EVI5L: variants seen among roughly 807,000 people sequenced by gnomAD.
EVI5L encodes EVI5-like protein.
EVI5L carries 30 observed loss-of-function variants against 106.1 expected under a neutral mutation model. The ratio of observed to expected loss-of-function variants is 0.28; its 90% CI spans 0.21 to 0.38. EVI5L has a LOEUF of 0.38. EVI5L is among the 10% of genes least tolerant of loss of function. The pLI is 1.00. For missense variants in EVI5L, 809 were observed against 1,098.0 expected, an observed-to-expected ratio of 0.74 and a Z score of 3.72; for synonymous variants, 489 against 483.3, an observed-to-expected ratio of 1.01 and a Z score of -0.15.
intron 10 of EVI5L, among the ~76,000 whole-genome samples, chr19:7,854,521 AC>A (rs1979433293): frequency 6.6e-6 from 1 of 151,890 alleles, no homozygotes. Flanking sequence ...TGTAATCCCA[AC>A]ACTTTGAGAG....
chr19:7,850,479 C>T lies in EVI5L; in HGVS notation c.753+357C>T, dbSNP rs1315875750. Among the ~76,000 whole-genome samples the T allele has an allele frequency of 6.6e-6, 1 of 152,148 alleles. No homozygotes were observed. The highest frequency in any genetic ancestry group is 2.4e-5 in the African/African-American group (1 of 41,438). On this transcript the variant is annotated intron_variant, in intron 6 of 19. Transcript: ENST00000538904. This position sits in a 1 kb window ranked among gnomAD's most constrained non-coding sequence, Gnocchi z 5.4. ...GGTGGAAGGAGGGAGTGTTGTCTGC[C>T]TGCCTGATTACTGGAGAGCCGCAGA...
At position 7,835,438 on chromosome 19, in the gene EVI5L, G is replaced by T. The variant is rs1323457822; in HGVS notation, c.-48+5057G>T. Among the ~76,000 whole-genome samples the T allele has an allele frequency of 6.6e-6, 1 of 152,018 alleles. No homozygotes were observed. Among genetic ancestry groups the T allele is most frequent in the African/African-American group, 2.4e-5 (1 of 41,398 alleles). Reference sequence around the variant, plus strand: ...CAGGAGAATTGCTTGAACCCAGGAGGCAAAGGCTGCAGTGAGCCAAGATCG... The same window carrying T: ...CAGGAGAATTGCTTGAACCCAGGAGTCAAAGGCTGCAGTGAGCCAAGATCG... On this transcript the variant is annotated intron_variant, in intron 1 of 19. Transcript: ENST00000538904. The surrounding 1 kb of genome is among the most constrained non-coding windows in gnomAD (Gnocchi z 4.1).
intron 13 of EVI5L, among the ~76,000 whole-genome samples, chr19:7,859,520 A>C (rs907561660): frequency 2.6e-5 from 4 of 152,244 alleles, no homozygotes; most frequent in African/African-American, 9.6e-5. Context: ...GGGGAGAAGG[A>C]GAGCTTCACT....
chr19:7,833,886 A>AGGAGAACTAACTCAGCTCATCAGGGTCAG (rs1978308908), intron 1 of EVI5L, among the ~76,000 whole-genome samples: 1 of 152,208 alleles, frequency 6.6e-6, no homozygotes, highest in African/African-American at 2.4e-5. Context: ...AGGTGAGTTT[A>AGGAGAACTAACTCAGCTCATCAGGGTCAG]GGAGAACTAA....
At position 7,835,214 on chromosome 19, in the gene EVI5L, A is replaced by G. The variant is rs1284430918; in HGVS notation, c.-48+4833A>G. 3.1e-5 allele frequency among the ~76,000 whole-genome samples: 4 copies of G among 130,396 alleles called. No homozygotes were observed. The highest frequency in any genetic ancestry group is 7.1e-5 in the Non-Finnish European group (4 of 56,716). The allele number at this position is 130,396 out of a possible 152,430, so 85.5% of individuals were successfully genotyped here. On this transcript the variant is annotated intron_variant, in intron 1 of 19. Coordinates refer to ENST00000538904, the MANE Select transcript of EVI5L (RefSeq NM_001159944.3). The surrounding 1 kb of genome is among the most constrained non-coding windows in gnomAD (Gnocchi z 4.1). ...CATACCCAAGGTTACAAAGATAGAA[A>G]GTGGTAGAGGAGGCCAGGAGCGGTG... is the stretch of plus-strand genomic sequence containing the variant.
At position 7,863,301 on chromosome 19, in the gene EVI5L, C is replaced by G. The variant is rs745603767; in HGVS notation, c.2139+21C>G. On this transcript the variant is annotated intron_variant, in intron 19 of 19. Transcript: ENST00000538904. This position sits in a 1 kb window ranked among gnomAD's most constrained non-coding sequence, Gnocchi z 7.7. Reference sequence around the variant, plus strand: ...CCGAGGTGAGCCGGCGCGGGGATGCCGGGGACAGGCCTGGGTGTCGTCGGC... The same window carrying G: ...CCGAGGTGAGCCGGCGCGGGGATGCGGGGGACAGGCCTGGGTGTCGTCGGC... 1.0e-5 allele frequency: 16 copies of G among 1,550,512 alleles called. No individual in the cohort carries two copies. Among genetic ancestry groups the G allele is most frequent in the South Asian group, 2.4e-5 (2 of 84,096 alleles).
rs1050654372 is a variant in EVI5L, at chr19:7,863,510, G to C, written c.2226G>C (p.Ser742=). Residue 742 remains serine, a synonymous_variant, in exon 20 of 20, where the codon TCG becomes TCC. Transcript: ENST00000538904. This position sits in a 1 kb window ranked among gnomAD's most constrained non-coding sequence, Gnocchi z 7.7. ...TGGCGCGGCACTTGGACGAGGACTC[G>C]CTGCCGTCGTCGGACGAGGAGCTAC... ...LSLARHLDED[S]LPSSDEELLG... The C allele has an allele frequency of 1.3e-6, 2 of 1,591,190 alleles. No individual in the cohort carries two copies. The highest frequency in any genetic ancestry group is 1.7e-6 in the Non-Finnish European group (2 of 1,169,926).
At chr19:7,853,461 G>T (rs780359604) in intron 10 of EVI5L, 128 bp downstream of exon 10, 19 of 1,301,818 alleles carry the variant, frequency 1.5e-5, no homozygotes, top group Non-Finnish European at 6.4e-6. Flanking sequence ...GGTCCTTGGC[G>T]GACAGGCCTC....
rs924247799 is a variant in EVI5L, at chr19:7,858,718, G to A, written c.1374+387G>A. 1 of 221,414 alleles carries A rather than the reference G, an allele frequency of 4.5e-6. No individual in the cohort carries two copies. The highest frequency in any genetic ancestry group is 9.0e-6 in the Non-Finnish European group (1 of 111,490). The allele number at this position is 221,414 out of a possible 1,614,324, so 13.7% of individuals were successfully genotyped here. On this transcript the variant is annotated intron_variant, in intron 13 of 19. Transcript: ENST00000538904. This position sits in a 1 kb window ranked among gnomAD's most constrained non-coding sequence, Gnocchi z 5.7. Reference sequence around the variant, plus strand: ...CTGAAGGATTGTTAGGTGTCCCTGGGGGGCCAGCCATGGAGAATGGGAGCA... The same window carrying A: ...CTGAAGGATTGTTAGGTGTCCCTGGAGGGCCAGCCATGGAGAATGGGAGCA...
intron 2 of EVI5L, 40 bp from the exon 3 acceptor site, chr19:7,847,692 G>C: frequency 6.3e-7 from 1 of 1,597,500 alleles, no homozygotes; most frequent in Non-Finnish European, 8.5e-7. Context: ...CCTGTCCCCA[G>C]GGAGTCACTG....
intron 8 of EVI5L, chr19:7,852,694 G>A (rs1979315380): frequency 8.3e-6 from 2 of 241,968 alleles, no homozygotes; most frequent in Admixed American, 5.3e-5. Flanking sequence ...TGGAACCAGA[G>A]GTGTACATCA....
At chr19:7,862,734 C>A (rs1979891150) in intron 17 of EVI5L, among the ~76,000 whole-genome samples, 200 bp downstream of exon 17, 1 of 104,002 alleles carries the variant, frequency 9.6e-6, no homozygotes, top group Non-Finnish European at 2.1e-5. Flanking sequence ...GCCCCGCCTC[C>A]TGACCACCCC....
intron 8 of EVI5L, among the ~76,000 whole-genome samples, chr19:7,852,036 T>G (rs923224810): frequency 5.3e-5 from 8 of 152,162 alleles, no homozygotes; most frequent in African/African-American, 1.9e-4. Context: ...GGAGCCCCAC[T>G]GCCCACCTCC....
In EVI5L at chr19:7,853,255, G is replaced by A. The variant is rs778189377; in HGVS notation, c.1086-18G>A. On this transcript the variant is annotated intron_variant, in intron 9 of 19. Transcript: ENST00000538904. Reference sequence around the variant, plus strand: ...CCCGAGGGCATGACAGTAACCACGGGGCCCTCCCGATCTGCAGGCTGGAGA... The same window carrying A: ...CCCGAGGGCATGACAGTAACCACGGAGCCCTCCCGATCTGCAGGCTGGAGA... The A allele has an allele frequency of 1.1e-5, 17 of 1,613,908 alleles. No homozygotes were observed. Among genetic ancestry groups the A allele is most frequent in the Non-Finnish European group, 1.4e-5 (16 of 1,179,964 alleles).
intron 15 of EVI5L, 26 bp from the exon 16 acceptor site, chr19:7,862,096 G>T: frequency 1.9e-6 from 3 of 1,552,074 alleles, no homozygotes; most frequent in Non-Finnish European, 1.7e-6. Context: ...GAGGCTGACC[G>T]CCGGCTTCTC....
At chr19:7,832,023 G>T (rs1363143946) in intron 1 of EVI5L, among the ~76,000 whole-genome samples, 2 of 152,248 alleles carry the variant, frequency 1.3e-5, no homozygotes, top group African/African-American at 4.8e-5. Flanking sequence ...TGAGTTGTCT[G>T]CTTCGTTTTA....
chr19:7,846,466 A>G lies in EVI5L; in HGVS notation c.-47-30A>G, dbSNP rs939467341. ...GCAGGATGGAGTGGGCTCCCACCCAATGCCGACCACGCATGTCTCTGGCCC... is the reference window on the plus strand; with the variant it reads ...GCAGGATGGAGTGGGCTCCCACCCAGTGCCGACCACGCATGTCTCTGGCCC... On this transcript the variant is annotated intron_variant, in intron 1 of 19. Coordinates refer to ENST00000538904, the MANE Select transcript of EVI5L (RefSeq NM_001159944.3). The G allele has an allele frequency of 8.6e-6, 13 of 1,518,774 alleles. No homozygotes were observed. In the African/African-American group the frequency reaches 1.4e-4, roughly 16 times the overall value. 94.1% of individuals were successfully genotyped at this position (1,518,774 alleles called of 1,614,324 possible). A position where few individuals can be genotyped will look rare whatever the true frequency, so the allele number is the denominator to read the frequency against.
intron 2 of EVI5L, among the ~76,000 whole-genome samples, chr19:7,847,386 G>C (rs1286826331): frequency 6.6e-6 from 1 of 152,026 alleles, no homozygotes; most frequent in Non-Finnish European, 1.5e-5. Flanking sequence ...TCAGGAGTTC[G>C]AGACCAGCCC....
At chr19:7,853,546 A>G in intron 10 of EVI5L, 1 of 639,750 alleles carries the variant, frequency 1.6e-6, no homozygotes, top group Non-Finnish European at 2.7e-6. Context: ...GGTAACCAAG[A>G]CAGTCAAGGT....
Sources: gnomAD v4.1 joint callset for allele counts (sites outside exome capture counted in the v4.1 genomes callset) on GRCh38, gnomAD v4.1.1 for gene constraint, Gnocchi (gnomAD v3.1) non-coding constraint, MANE v1.5 for transcripts, NCBI Gene and HGNC (gene_info 2026-07-23, HGNC 2026-07-21) for gene names.